METTL2B: variants seen among roughly 807,000 people sequenced by gnomAD.
METTL2B encodes methyltransferase 2B, tRNA N3-cytidine.
A neutral mutation model predicts 51.0 loss-of-function variants in METTL2B; 28 were observed. The observed-to-expected ratio is 0.55, with a 90% CI of 0.41 to 0.75. METTL2B has a LOEUF of 0.75. Among genes scored for constraint, METTL2B ranks in the 30% least tolerant of loss-of-function variants. The pLI is 0.00. For synonymous variants in METTL2B, 128 were observed against 166.3 expected (o/e 0.77, Z 1.77); for missense variants, 313 against 460.7 (o/e 0.68, Z 2.93).
At chr7:128,494,448 C>CTG (rs1792888630) in intron 6 of METTL2B, among the ~76,000 whole-genome samples, 3 of 152,220 alleles carry the variant, frequency 2.0e-5, no homozygotes, top group Non-Finnish European at 4.4e-5. Flanking sequence ...GGCCTCGAAA[C>CTG]TTCTGCAGTA....
chr7:128,476,957 C>G, intron 1 of METTL2B, 82 bp downstream of exon 1: 1 of 1,554,274 alleles, frequency 6.4e-7, no homozygotes, highest in Non-Finnish European at 8.7e-7. Context: ...CCCCTGACCG[C>G]CGGCCACGAG....
chr7:128,501,211 T>G (rs541825818), intron 8 of METTL2B: 1 of 985,446 alleles, frequency 1.0e-6, no homozygotes, highest in South Asian at 4.7e-5. Context: ...TGTCTGCCAC[T>G]GTCCAAAATG....
chr7:128,493,205 C>T (rs1563029798), intron 5 of METTL2B, among the ~76,000 whole-genome samples: 1 of 146,984 alleles, frequency 6.8e-6, no homozygotes, highest in African/African-American at 2.5e-5. Flanking sequence ...TTTGCCATTA[C>T]TTTTTTTTTT....
In METTL2B at chr7:128,501,982, T is replaced by C; in HGVS notation, c.*66T>C. On this transcript the variant is annotated 3_prime_UTR_variant, in exon 9 of 9. Coordinates refer to ENST00000262432, the MANE Select transcript of METTL2B (RefSeq NM_018396.3). The stretch of plus-strand genomic sequence containing the variant: ...CCGAGCTTTTTTAAAAAAAAATTTG[T>C]AGCACCGGGCATGGTGCATGCCTGT... 6.3e-7 allele frequency: 1 copy of C among 1,598,154 alleles called. No homozygotes were observed. Among genetic ancestry groups the C allele is most frequent in the Non-Finnish European group, 8.5e-7 (1 of 1,170,274 alleles).
intron 4 of METTL2B, chr7:128,484,232 T>TTTTTTTTTTTTTGTTTG (rs1792654248): frequency 1.2e-5 from 1 of 83,558 alleles, no homozygotes; most frequent in African/African-American, 5.0e-5. Flanking sequence ...TTTTTTTTTT[T>TTTTTTTTTTTTTGTTTG]TTTTTTTTTT....
Position 128,476,894 on chromosome 7 carries a change from C to G in METTL2B, c.110+19C>G. ...ATGCCTGGTAATCACCCTGCCCCCT[C>G]GCCCGGCCTGTCGCTGGCCGTCTGT... On this transcript the variant is annotated intron_variant, in intron 1 of 8. Coordinates refer to ENST00000262432, the MANE Select transcript of METTL2B (RefSeq NM_018396.3). The G allele has an allele frequency of 1.2e-6, 2 of 1,613,408 alleles. No individual in the cohort carries two copies. Among genetic ancestry groups the G allele is most frequent in the Non-Finnish European group, 1.7e-6 (2 of 1,179,646 alleles).
At chr7:128,487,473 T>C (rs889811824) in intron 4 of METTL2B, among the ~76,000 whole-genome samples, 1 of 152,246 alleles carries the variant, frequency 6.6e-6, no homozygotes, top group African/African-American at 2.4e-5. Context: ...GCTTCATAAT[T>C]GGAAGCAATT....
chr7:128,484,802 C>T (rs781006566), intron 4 of METTL2B, among the ~76,000 whole-genome samples: 2 of 152,052 alleles, frequency 1.3e-5, no homozygotes, highest in Non-Finnish European at 2.9e-5. Flanking sequence ...AGGCTGGTCT[C>T]GAACTCCTGA....
intron 7 of METTL2B, among the ~76,000 whole-genome samples, chr7:128,498,928 C>T (rs149957077): frequency 0.031 from 4,718 of 150,242 alleles, 214 homozygotes; most frequent in East Asian, 0.22. Flanking sequence ...ACCCAGGAGG[C>T]GGAGCTTGCA....
At chr7:128,495,343 A>G (rs1004594420) in intron 6 of METTL2B, among the ~76,000 whole-genome samples, 2 of 152,268 alleles carry the variant, frequency 1.3e-5, no homozygotes, top group African/African-American at 4.8e-5. Context: ...ACAGAATTCT[A>G]TAAAATCAGA....
intron 4 of METTL2B, among the ~76,000 whole-genome samples, chr7:128,486,211 T>A (rs1792703856): frequency 6.6e-6 from 1 of 151,958 alleles, no homozygotes; most frequent in Non-Finnish European, 1.5e-5. Flanking sequence ...GGAAAATGGC[T>A]TGGACCCAGG....
intron 6 of METTL2B, among the ~76,000 whole-genome samples, chr7:128,495,246 A>T (rs1027014059): frequency 6.6e-5 from 10 of 152,164 alleles, no homozygotes; most frequent in African/African-American, 2.4e-4. Context: ...TGCTTTAAAT[A>T]AAACAACCTT....
At chr7:128,498,764 C>T (rs1377221109) in intron 7 of METTL2B, among the ~76,000 whole-genome samples, 34 of 152,162 alleles carry the variant, frequency 2.2e-4, no homozygotes, top group Admixed American at 2.0e-3. Flanking sequence ...TTTGGGAGGC[C>T]GAGTCGGGCA....
At chr7:128,488,890 G>A (rs1255805331) in intron 5 of METTL2B, among the ~76,000 whole-genome samples, 7 of 152,120 alleles carry the variant, frequency 4.6e-5, no homozygotes, top group African/African-American at 1.7e-4. Context: ...GGATCACGAG[G>A]TCAGGAGTTC....
intron 4 of METTL2B, among the ~76,000 whole-genome samples, chr7:128,485,439 A>C (rs953133350): frequency 6.6e-6 from 1 of 152,128 alleles, no homozygotes; most frequent in Non-Finnish European, 1.5e-5. Context: ...CGAGACGGGC[A>C]GATCACAAGG....
At chr7:128,482,166 A>T (rs1799880069) in intron 4 of METTL2B, among the ~76,000 whole-genome samples, 1 of 152,110 alleles carries the variant, frequency 6.6e-6, no homozygotes, top group African/African-American at 2.4e-5. Context: ...ATCATGAATA[A>T]CAAAAGATAC....
At position 128,477,153 on chromosome 7, in the gene METTL2B, G is replaced by C. The variant is rs1339747271; in HGVS notation, c.182G>C (p.Arg61Pro). The C allele has an allele frequency of 1.2e-6, 2 of 1,613,820 alleles. No homozygotes were observed. The highest frequency in any genetic ancestry group is 2.7e-5 in the African/African-American group (2 of 75,006). Residue 61 changes from arginine to proline, a missense_variant, in exon 2 of 9, where the codon CGG becomes CCG. Arg to Pro is a moderately radical substitution (Grantham distance 103). This residue lies in a region of METTL2B where 67 missense variants were observed against 101.4 expected (regional missense o/e 0.66). Transcript: ENST00000262432. Reference protein sequence around the residue: ...ERKVQENSIQRVCQEKQVDYE... With the variant: ...ERKVQENSIQPVCQEKQVDYE... ...AAAGTCCAGGAGAACAGTATCCAGC[G>C]GGTGTGCCAGGAGAAACAAGGTGCG...
chr7:128,488,056 G>A (rs1226383541), intron 4 of METTL2B, 45 bp from the exon 5 acceptor site: 2 of 1,130,766 alleles, frequency 1.8e-6, no homozygotes, highest in East Asian at 2.5e-5. Context: ...AGTAGACATA[G>A]CTCGATTTGT....
In METTL2B at chr7:128,481,541, TGGGGTTCAG is replaced by T. The variant is rs1442188268; in HGVS notation, c.608+846_608+854del. Among the ~76,000 whole-genome samples, 26 of 152,144 alleles carry T rather than the reference TGGGGTTCAG, an allele frequency of 1.7e-4. 1 individual carries two copies. Among genetic ancestry groups the T allele is most frequent in the Admixed American group, 1.7e-3 (26 of 15,256 alleles). On this transcript the variant is annotated intron_variant, in intron 4 of 8. Coordinates refer to ENST00000262432, the MANE Select transcript of METTL2B (RefSeq NM_018396.3). ...CAGCCAGCTGAAGAAGTAATTAGAG[TGGGGTTCAG>T]AGGATCTCACGCTCAGGAGCTTTGA...
Sources: allele counts gnomAD v4.1 joint callset (sites outside exome capture counted in the v4.1 genomes callset), GRCh38; gene constraint gnomAD v4.1.1; regional missense constraint gnomAD v4.1.1; transcripts MANE v1.5; gene names NCBI Gene and HGNC (gene_info 2026-07-23, HGNC 2026-07-21).